Variants in AUTS2 observed in about 807,000 individuals in gnomAD.
The protein encoded by AUTS2 is autism susceptibility gene 2 protein.
In AUTS2, 17 loss-of-function variants were observed where a neutral mutation model predicts 112.4. That is an observed-to-expected ratio of 0.15 (90% CI 0.10 to 0.23). The LOEUF is 0.23. Among genes scored for constraint, AUTS2 ranks in the 10% least tolerant of loss-of-function variants. The pLI is 1.00. For synonymous variants in AUTS2, 751 were observed against 702.7 expected (o/e 1.07, Z -1.09); for missense variants, 1,510 against 1,701.6 (o/e 0.89, Z 1.98).
chr7:70,460,510 C>T (rs995362311), intron 5 of AUTS2, among the ~76,000 whole-genome samples: 4 of 151,988 alleles, frequency 2.6e-5, no homozygotes, highest in African/African-American at 9.7e-5. Flanking sequence ...GCCACCATGC[C>T]TGGCTAATTT....
At chr7:69,923,933 T>A (rs1314202380) in intron 2 of AUTS2, among the ~76,000 whole-genome samples, 1 of 152,222 alleles carries the variant, frequency 6.6e-6, no homozygotes, top group Non-Finnish European at 1.5e-5. Context: ...GGGTATCTTC[T>A]CTGTCTTTTT....
At chr7:70,169,511 G>A (rs572603270) in intron 4 of AUTS2, among the ~76,000 whole-genome samples, 2 of 152,116 alleles carry the variant, frequency 1.3e-5, no homozygotes, top group East Asian at 1.9e-4. Flanking sequence ...AAAGTGCTGG[G>A]ATTACAGGCA....
Position 70,736,532 on chromosome 7 carries a change from A to G in AUTS2, c.743-26338A>G, listed in dbSNP as rs1224091049. Reference sequence around the variant, plus strand: ...CAAGAGAAATGTATTTATAATATGCATGCTTTAAGGTACGTCTATTCCTAC... The same window carrying G: ...CAAGAGAAATGTATTTATAATATGCGTGCTTTAAGGTACGTCTATTCCTAC... On this transcript the variant is annotated intron_variant, in intron 6 of 18. Coordinates refer to ENST00000342771, the MANE Select transcript of AUTS2 (RefSeq NM_015570.4). 1.3e-5 allele frequency among the ~76,000 whole-genome samples: 2 copies of G among 152,220 alleles called. 1 individual carries two copies. Among genetic ancestry groups the G allele is most frequent in the Non-Finnish European group, 2.9e-5 (2 of 68,040 alleles).
At chr7:70,456,280 T>C (rs1796735942) in intron 5 of AUTS2, among the ~76,000 whole-genome samples, 1 of 152,210 alleles carries the variant, frequency 6.6e-6, no homozygotes, top group Non-Finnish European at 1.5e-5. Context: ...TAAAAGCTTT[T>C]ACTTTTACTT....
intron 5 of AUTS2, among the ~76,000 whole-genome samples, chr7:70,538,876 TG>T (rs1479416828): frequency 6.6e-6 from 1 of 152,232 alleles, no homozygotes; most frequent in African/African-American, 2.4e-5. Context: ...AAACATGGAT[TG>T]AACACCTATT....
At chr7:70,649,293 G>A (rs2129541543) in intron 5 of AUTS2, among the ~76,000 whole-genome samples, 1 of 151,852 alleles carries the variant, frequency 6.6e-6, no homozygotes, top group East Asian at 1.9e-4. Flanking sequence ...TCAGCTACTT[G>A]GGTGTTTGAG....
intron 1 of AUTS2, among the ~76,000 whole-genome samples, chr7:69,829,144 G>A (rs1425467927): frequency 6.6e-6 from 1 of 152,096 alleles, no homozygotes; most frequent in African/African-American, 2.4e-5. Context: ...AATGGGGAAA[G>A]GATTCCCTAT....
intron 5 of AUTS2, among the ~76,000 whole-genome samples, chr7:70,593,224 T>C (rs981630998): frequency 1.3e-5 from 2 of 152,314 alleles, no homozygotes; most frequent in African/African-American, 4.8e-5. Flanking sequence ...TAATAGTACC[T>C]ACCTCATGGG....
intron 2 of AUTS2, among the ~76,000 whole-genome samples, chr7:69,902,582 C>T (rs1432256351): frequency 6.6e-6 from 1 of 152,150 alleles, no homozygotes; most frequent in African/African-American, 2.4e-5. Flanking sequence ...CAACTTAATG[C>T]ACAGCTTTCC....
chr7:70,539,360 A>G (rs1195050626), intron 5 of AUTS2, among the ~76,000 whole-genome samples: 1 of 152,198 alleles, frequency 6.6e-6, no homozygotes, highest in East Asian at 1.9e-4. Context: ...TGTGAGGCCA[A>G]CAACCAGGCT....
Position 70,789,987 on chromosome 7 carries a change from A to G in AUTS2, c.2771A>G (p.His924Arg). The G allele has an allele frequency of 6.2e-7, 1 of 1,609,426 alleles. No individual in the cohort carries two copies. The highest frequency in any genetic ancestry group is 8.5e-7 in the Non-Finnish European group (1 of 1,178,014). Residue 924 changes from histidine (H) to arginine (R), a missense_variant, in exon 19 of 19, where the codon CAC becomes CGC. By Grantham distance (29) the His-to-Arg change is conservative. Around this residue, in one of 3 missense-constraint regions of AUTS2, gnomAD observed 788 missense variants for 797.6 expected, o/e 0.99. Coordinates refer to ENST00000342771, the MANE Select transcript of AUTS2 (RefSeq NM_015570.4). Reference sequence around the variant, plus strand: ...CTGCCCGAGAAGGACGGGCACGGCCACGAGGGGCGCGCCGCGGGCGAAGAG... The same window carrying G: ...CTGCCCGAGAAGGACGGGCACGGCCGCGAGGGGCGCGCCGCGGGCGAAGAG... ...GHLPEKDGHGHEGRAAGEEAK... is the reference protein window; with the variant it reads ...GHLPEKDGHGREGRAAGEEAK...
rs562906510 is a variant in AUTS2 at position 70,018,771 on chromosome 7, G to A, written c.523-99361G>A. Among the ~76,000 whole-genome samples the A allele has an allele frequency of 2.6e-5, 4 of 152,288 alleles. No homozygotes were observed. In the South Asian group the frequency reaches 8.3e-4, roughly 32 times the overall value. On this transcript the variant is annotated intron_variant, in intron 2 of 18. Coordinates refer to ENST00000342771, the MANE Select transcript of AUTS2 (RefSeq NM_015570.4). ...ACTTTACAAAAAATAACAGATGCTGGTGAGGTTGCTGAGAAAAAGGAATGC... is the reference window on the plus strand; with the variant it reads ...ACTTTACAAAAAATAACAGATGCTGATGAGGTTGCTGAGAAAAAGGAATGC...
In AUTS2 at chr7:70,369,064, A is replaced by G. The variant is rs374305325; in HGVS notation, c.661-66688A>G. Among the ~76,000 whole-genome samples, 8 of 152,336 alleles carry G rather than the reference A, an allele frequency of 5.3e-5. No homozygotes were observed. In the East Asian group the frequency reaches 1.4e-3, roughly 26 times the overall value. On this transcript the variant is annotated intron_variant, in intron 4 of 18. Transcript: ENST00000342771. Reference sequence around the variant, plus strand: ...GCTTAAAATTAGAAGCTGCCCATCAATAATTTTCCCAAGAGAGCGATTTCT... The same window carrying G: ...GCTTAAAATTAGAAGCTGCCCATCAGTAATTTTCCCAAGAGAGCGATTTCT...
intron 2 of AUTS2, among the ~76,000 whole-genome samples, chr7:70,102,860 T>G (rs978034985): frequency 3.3e-5 from 5 of 152,170 alleles, no homozygotes; most frequent in African/African-American, 1.2e-4. Context: ...TGTTAGAGAC[T>G]GCTTTAATTA....
At chr7:69,679,735 A>G (rs2129166895) in intron 1 of AUTS2, among the ~76,000 whole-genome samples, 1 of 152,310 alleles carries the variant, frequency 6.6e-6, no homozygotes, top group Non-Finnish European at 1.5e-5. Context: ...GTGATTGTAT[A>G]TTTCATGTCA....
At chr7:70,037,197 TACAG>T (rs1407458975) in intron 2 of AUTS2, among the ~76,000 whole-genome samples, 1 of 151,918 alleles carries the variant, frequency 6.6e-6, no homozygotes, top group African/African-American at 2.4e-5. Flanking sequence ...AGGATAAAAA[TACAG>T]AGAGAGAATA....
chr7:70,640,572 G>GGGGT (rs1554448447), intron 5 of AUTS2, among the ~76,000 whole-genome samples: 5 of 150,098 alleles, frequency 3.3e-5, no homozygotes, highest in East Asian at 2.0e-4. Context: ...CAGAACTAAT[G>GGGGT]GTGTGTGTGT....
intron 5 of AUTS2, among the ~76,000 whole-genome samples, chr7:70,584,085 A>C (rs1802579085): frequency 6.6e-6 from 1 of 152,206 alleles, no homozygotes; most frequent in Non-Finnish European, 1.5e-5. Context: ...TTACGGTGTG[A>C]AAAGCTGTTT....
chr7:70,129,233 G>GT (rs1355202930), intron 3 of AUTS2, among the ~76,000 whole-genome samples: 2 of 152,150 alleles, frequency 1.3e-5, no homozygotes, highest in Admixed American at 1.3e-4. Flanking sequence ...AAGAGCTGAT[G>GT]TTTTTATTGT....
Sources: allele counts gnomAD v4.1 joint callset (sites outside exome capture counted in the v4.1 genomes callset), GRCh38; gene constraint gnomAD v4.1.1; regional missense constraint gnomAD v4.1.1; transcripts MANE v1.5; gene names NCBI Gene and HGNC (gene_info 2026-07-23, HGNC 2026-07-21).